Variants in DNAAF4 observed in about 807,000 individuals in gnomAD.
DNAAF4 encodes the protein dynein axonemal assembly factor 4, also known as dynein assembly factor 4, axonemal.
A neutral mutation model predicts 51.8 loss-of-function variants in DNAAF4; 43 were observed. The ratio of observed to expected loss-of-function variants is 0.83; its 90% confidence interval spans 0.65 to 1.07. The LOEUF is 1.07. Among genes scored for constraint, DNAAF4 ranks in the 50% least tolerant of loss-of-function variants. The probability of loss-of-function intolerance (pLI) is 0.00; values close to 1 mark genes in which losing one functional copy is unlikely to be tolerated. For synonymous variants in DNAAF4, 194 were observed against 165.6 expected (o/e 1.17, Z -1.32); for missense variants, 581 against 493.0 (o/e 1.18, Z -1.69).
chr15:55,448,239 C>G (rs2057869715), intron 6 of DNAAF4, among the ~76,000 whole-genome samples: 4 of 152,020 alleles, frequency 2.6e-5, no homozygotes, highest in African/African-American at 7.2e-5. Context: ...GTTGAACCAG[C>G]CTTGCATCCC....
chr15:55,442,005 T>G lies in DNAAF4; in HGVS notation c.784-2424A>C, dbSNP rs112973973. On this transcript the variant is annotated intron_variant, in intron 6 of 9. Coordinates refer to ENST00000321149, the MANE Select transcript of DNAAF4 (RefSeq NM_130810.4). The stretch of plus-strand genomic sequence containing the variant: ...CTGTGTCTTCCCTGCCATGTATTTA[T>G]TCTTCATGCTTGGTTTTCTAGCATT... Among the ~76,000 whole-genome samples, 488 of 152,346 alleles carry G rather than the reference T, an allele frequency of 3.2e-3. 1 individual carries two copies. Among genetic ancestry groups the G allele is most frequent in the African/African-American group, 0.011 (460 of 41,578 alleles).
intron 4 of DNAAF4, 145 bp from the exon 5 acceptor site, chr15:55,467,306 T>C: frequency 1.2e-6 from 1 of 816,762 alleles, no homozygotes; most frequent in Non-Finnish European, 1.9e-6. Context: ...GAATTATGAA[T>C]TAAAATGGGA....
At chr15:55,500,393 C>T (rs1463621903) in intron 1 of DNAAF4, among the ~76,000 whole-genome samples, 2 of 152,136 alleles carry the variant, frequency 1.3e-5, no homozygotes, top group African/African-American at 2.4e-5. Context: ...TCATTTTCCC[C>T]CTTTTGTTCT....
At chr15:55,431,356 G>A (rs1279233173) in intron 9 of DNAAF4, among the ~76,000 whole-genome samples, 1 of 85,734 alleles carries the variant, frequency 1.2e-5, no homozygotes, top group Admixed American at 1.6e-4. Context: ...TTAGGTGTGT[G>A]TATACACACA....
At chr15:55,480,427 C>T (rs189929601) in intron 4 of DNAAF4, among the ~76,000 whole-genome samples, 41 of 152,258 alleles carry the variant, frequency 2.7e-4, no homozygotes, top group African/African-American at 9.9e-4. Context: ...AGCTAACCTA[C>T]ATGTTCATCA....
At chr15:55,431,158 C>G (rs1226372107) in intron 9 of DNAAF4, among the ~76,000 whole-genome samples, 1 of 152,046 alleles carries the variant, frequency 6.6e-6, no homozygotes, top group African/African-American at 2.4e-5. Flanking sequence ...CATGATCCAC[C>G]CACCTTGGCC....
chr15:55,447,833 G>A (rs1341639829), intron 6 of DNAAF4, among the ~76,000 whole-genome samples: 12 of 115,400 alleles, frequency 1.0e-4, no homozygotes, highest in African/African-American at 3.4e-4. Flanking sequence ...AGAGGGCAGA[G>A]GGGAGAGGGG....
intron 3 of DNAAF4, among the ~76,000 whole-genome samples, chr15:55,494,599 A>G (rs2058616239): frequency 6.6e-6 from 1 of 151,802 alleles, no homozygotes; most frequent in Non-Finnish European, 1.5e-5. Context: ...TTTAGTAGAG[A>G]CAGGGTTTCA....
intron 6 of DNAAF4, chr15:55,442,885 G>T: frequency 1.9e-6 from 3 of 1,612,364 alleles, no homozygotes; most frequent in Non-Finnish European, 2.5e-6. Flanking sequence ...AATCATGGTT[G>T]CAATGGCACC....
chr15:55,500,081 T>A (rs1439599860), intron 1 of DNAAF4, among the ~76,000 whole-genome samples: 1 of 152,174 alleles, frequency 6.6e-6, no homozygotes, highest in Non-Finnish European at 1.5e-5. Flanking sequence ...ACTGGGCCTT[T>A]GTGGAAATCT....
intron 4 of DNAAF4, among the ~76,000 whole-genome samples, chr15:55,468,778 CA>C (rs1282984322): frequency 1.3e-5 from 2 of 151,968 alleles, no homozygotes; most frequent in Admixed American, 1.3e-4. Context: ...GTTCTTACAA[CA>C]AAAAATAACA....
At chr15:55,433,982 A>G (rs1301066785) in intron 8 of DNAAF4, among the ~76,000 whole-genome samples, 1 of 19,614 alleles carries the variant, frequency 5.1e-5, no homozygotes, top group African/African-American at 1.3e-4. Flanking sequence ...TATATATTAT[A>G]TATAATATAT....
At chr15:55,470,266 G>A (rs1198803117) in intron 4 of DNAAF4, among the ~76,000 whole-genome samples, 2 of 152,124 alleles carry the variant, frequency 1.3e-5, no homozygotes, top group East Asian at 3.9e-4. Context: ...TGGCCAGGCT[G>A]ATCTTGAACT....
intron 7 of DNAAF4, among the ~76,000 whole-genome samples, chr15:55,437,874 G>A (rs1324312112): frequency 6.6e-6 from 1 of 152,138 alleles, no homozygotes; most frequent in Admixed American, 6.6e-5. Flanking sequence ...TTGGACTTCT[G>A]AATTACAGAA....
intron 6 of DNAAF4, among the ~76,000 whole-genome samples, chr15:55,447,500 G>T (rs1201878869): frequency 6.6e-6 from 1 of 151,800 alleles, no homozygotes; most frequent in Non-Finnish European, 1.5e-5. Flanking sequence ...AGCATTGAGT[G>T]AGCAAGACTC....
At chr15:55,490,027 C>T (rs1294938831) in intron 4 of DNAAF4, among the ~76,000 whole-genome samples, 1 of 151,924 alleles carries the variant, frequency 6.6e-6, no homozygotes, top group Non-Finnish European at 1.5e-5. Context: ...GTGCCCACCA[C>T]CACGCGCGGC....
rs757557941 is a variant in DNAAF4, at chr15:55,497,606, A to C, written c.271+106T>G. The stretch of plus-strand genomic sequence containing the variant: ...CAGAGCAAGACTCTTAAAAAAAAAA[A>C]ATCTATCTTCCCCTACACAATATAG... On this transcript the variant is annotated intron_variant, in intron 3 of 9. Transcript: ENST00000321149. The C allele has an allele frequency of 5.6e-5, 76 of 1,354,648 alleles. No homozygotes were observed. The Middle Eastern group carries it at 1.7e-3, about 31-fold the overall frequency. 83.9% of individuals were successfully genotyped at this position (1,354,648 alleles called of 1,614,324 possible).
intron 4 of DNAAF4, among the ~76,000 whole-genome samples, chr15:55,473,285 GTATATATATGTGTA>G (rs1203146330): frequency 2.3e-4 from 29 of 127,386 alleles, no homozygotes; most frequent in East Asian, 7.1e-4. Context: ...ATATATATGT[GTATATATATGTGTA>G]TATATATGTG....
intron 1 of DNAAF4, among the ~76,000 whole-genome samples, chr15:55,505,068 T>C (rs899636139): frequency 4.6e-5 from 7 of 152,010 alleles, no homozygotes; most frequent in Non-Finnish European, 8.8e-5. Context: ...CTTAAACAAA[T>C]TTACAAGAAA....
Sources: allele counts gnomAD v4.1 joint callset (sites outside exome capture counted in the v4.1 genomes callset), GRCh38; gene constraint gnomAD v4.1.1; transcripts MANE v1.5; gene names NCBI Gene and HGNC (gene_info 2026-07-23, HGNC 2026-07-21).